ZC3H3: variants seen among roughly 807,000 people sequenced by gnomAD.
ZC3H3 encodes the protein zinc finger CCCH domain-containing protein 3.
Under a neutral mutation model 77.3 loss-of-function variants are expected in ZC3H3, and 36 were observed. The ratio of observed to expected loss-of-function variants is 0.47; its 90% CI spans 0.36 to 0.61. The LOEUF is 0.61. Among genes scored for constraint, ZC3H3 ranks in the 20% least tolerant of loss-of-function variants. The pLI, the probability that ZC3H3 is intolerant of heterozygous loss-of-function variation, is 0.00. For synonymous variants in ZC3H3, 626 were observed against 555.2 expected (o/e 1.13, Z -1.79); for missense variants, 1,331 against 1,312.2 (o/e 1.01, Z -0.22).
In ZC3H3 at chr8:143,449,484, G is replaced by A. The variant is rs529759718; in HGVS notation, c.2308-8364C>T. Among the ~76,000 whole-genome samples, 4 of 152,332 alleles carry A rather than the reference G, an allele frequency of 2.6e-5. No individual in the cohort carries two copies. The East Asian group carries it at 7.7e-4, about 29-fold the overall frequency. On this transcript the variant is annotated intron_variant, in intron 9 of 11. Transcript: ENST00000262577. ...TGCCTGTAATCCCAGCACTTTGGGAGGCCAAAACGGGTGGCTCACCTGAGG... is the reference window on the plus strand; with the variant it reads ...TGCCTGTAATCCCAGCACTTTGGGAAGCCAAAACGGGTGGCTCACCTGAGG...
intron 9 of ZC3H3, among the ~76,000 whole-genome samples, 155 bp from the exon 10 acceptor site, chr8:143,441,275 G>T (rs926834305): frequency 2.8e-4 from 42 of 152,150 alleles, no homozygotes; most frequent in Non-Finnish European, 5.6e-4. Flanking sequence ...TTGGAAGGCT[G>T]AGGCCACCAG....
intron 3 of ZC3H3, among the ~76,000 whole-genome samples, chr8:143,524,334 A>T (rs1223335574): frequency 1.3e-5 from 2 of 152,210 alleles, no homozygotes; most frequent in African/African-American, 4.8e-5. Flanking sequence ...GCTCCCTGGG[A>T]GTCTGGGCTA....
At chr8:143,452,001 C>T (rs1158482884) in intron 9 of ZC3H3, among the ~76,000 whole-genome samples, 1 of 152,194 alleles carries the variant, frequency 6.6e-6, no homozygotes, top group Admixed American at 6.5e-5. Flanking sequence ...CCTGCCCCAT[C>T]CAAGACTTGG....
At chr8:143,470,555 C>A (rs933844300) in intron 5 of ZC3H3, among the ~76,000 whole-genome samples, 3 of 152,200 alleles carry the variant, frequency 2.0e-5, no homozygotes, top group Non-Finnish European at 4.4e-5. Flanking sequence ...CGCGGCAATG[C>A]GGCGGTCTGT....
chr8:143,528,670 G>A (rs574003960), intron 3 of ZC3H3, among the ~76,000 whole-genome samples: 185 of 152,356 alleles, frequency 1.2e-3, no homozygotes, highest in Non-Finnish European at 2.2e-3. Flanking sequence ...GTCAGGGCAG[G>A]GAGCCCTGTG....
At chr8:143,455,501 C>G (rs995161155) in intron 9 of ZC3H3, among the ~76,000 whole-genome samples, 3 of 151,756 alleles carry the variant, frequency 2.0e-5, no homozygotes, top group East Asian at 1.9e-4. Flanking sequence ...ACTCTGCCCC[C>G]CCTCCCCAAA....
chr8:143,437,721 T>C lies in ZC3H3; in HGVS notation c.*335A>G, dbSNP rs1819623670. 9.6e-6 allele frequency: 4 copies of C among 416,410 alleles called. No homozygotes were observed. Among genetic ancestry groups the C allele is most frequent in the Non-Finnish European group, 1.8e-5 (4 of 223,286 alleles). The allele number at this position is 416,410 out of a possible 1,614,324, so 25.8% of individuals were successfully genotyped here. On this transcript the variant is annotated 3_prime_UTR_variant, in exon 12 of 12. Transcript: ENST00000262577. ...TGCCTGGGAGGCCTGGCCAGTGGCC[T>C]CTTCACTGGGCCGAAAACCTGGGTG...
chr8:143,537,110 G>A (rs1822825141), intron 2 of ZC3H3, among the ~76,000 whole-genome samples: 1 of 152,310 alleles, frequency 6.6e-6, no homozygotes, highest in Admixed American at 6.5e-5. Context: ...CCTCTGCCCA[G>A]CAGGTGCAGC....
chr8:143,540,359 T>A (rs1822970776), intron 1 of ZC3H3, among the ~76,000 whole-genome samples: 1 of 152,130 alleles, frequency 6.6e-6, no homozygotes. Flanking sequence ...TCTGAGTAGC[T>A]GGGACTACAG....
Position 143,460,468 on chromosome 8 carries a change from A to G in ZC3H3, c.2307+5249T>C, listed in dbSNP as rs1296328982. On this transcript the variant is annotated intron_variant, in intron 9 of 11. Transcript: ENST00000262577. The surrounding 1 kb of genome is among the most constrained non-coding windows in gnomAD (Gnocchi z 4.0). ...GGGAACCCGTGCGCCGTTGCTGGGA[A>G]CGTAAAGTGGTTCAGCCACAACAGA... Among the ~76,000 whole-genome samples, 1 of 152,164 alleles carries G rather than the reference A, an allele frequency of 6.6e-6. No homozygotes were observed. The highest frequency in any genetic ancestry group is 1.5e-5 in the Non-Finnish European group (1 of 68,032).
intron 4 of ZC3H3, among the ~76,000 whole-genome samples, chr8:143,506,722 C>T (rs900916663): frequency 5.3e-5 from 8 of 152,140 alleles, no homozygotes; most frequent in African/African-American, 1.7e-4. Flanking sequence ...CCTGGTGATA[C>T]GGGAGGCAGC....
chr8:143,443,423 T>A (rs1377669725), intron 9 of ZC3H3, among the ~76,000 whole-genome samples: 1 of 151,852 alleles, frequency 6.6e-6, no homozygotes, highest in Non-Finnish European at 1.5e-5. Context: ...GAGACCTTCA[T>A]CTCATGTTCA....
chr8:143,528,315 A>G (rs1353845518), intron 3 of ZC3H3, among the ~76,000 whole-genome samples: 1 of 152,226 alleles, frequency 6.6e-6, no homozygotes, highest in Non-Finnish European at 1.5e-5. Context: ...AACAGAAGCC[A>G]GGCGGCACTG....
chr8:143,481,716 GCTCCAGT>G (rs1428511271), intron 4 of ZC3H3, among the ~76,000 whole-genome samples: 1 of 152,236 alleles, frequency 6.6e-6, no homozygotes, highest in Non-Finnish European at 1.5e-5. Flanking sequence ...TGCCAATCCA[GCTCCAGT>G]CTTGTCTTTT....
intron 4 of ZC3H3, among the ~76,000 whole-genome samples, chr8:143,482,481 T>C (rs1563852837): frequency 6.7e-6 from 1 of 148,716 alleles, no homozygotes; most frequent in Non-Finnish European, 1.5e-5. Context: ...AAGGGAGGAG[T>C]GTGGGGTGGG....
At chr8:143,534,149 T>C (rs1477985163) in intron 3 of ZC3H3, among the ~76,000 whole-genome samples, 1 of 151,920 alleles carries the variant, frequency 6.6e-6, no homozygotes, top group African/African-American at 2.4e-5. Context: ...CCAGGCACAG[T>C]GACATGCACC....
At chr8:143,478,380 T>C (rs1361555741) in intron 4 of ZC3H3, among the ~76,000 whole-genome samples, 1 of 152,160 alleles carries the variant, frequency 6.6e-6, no homozygotes, top group Non-Finnish European at 1.5e-5. Context: ...GGCAGAGGCA[T>C]CAGGGCCTCT....
chr8:143,468,779 C>A, intron 5 of ZC3H3, 120 bp from the exon 6 acceptor site: 1 of 1,334,100 alleles, frequency 7.5e-7, no homozygotes, highest in African/African-American at 1.5e-5. Context: ...GCACAGCCTC[C>A]CCTCCAGGAA....
At chr8:143,499,276 G>C (rs1455932769) in intron 4 of ZC3H3, among the ~76,000 whole-genome samples, 3 of 152,116 alleles carry the variant, frequency 2.0e-5, no homozygotes, top group Non-Finnish European at 4.4e-5. Context: ...GGATGAGGGG[G>C]CCTGGAGGTT....
Sources: gnomAD v4.1 joint callset for allele counts (sites outside exome capture counted in the v4.1 genomes callset) on GRCh38, gnomAD v4.1.1 for gene constraint, Gnocchi (gnomAD v3.1) non-coding constraint, MANE v1.5 for transcripts, NCBI Gene and HGNC (gene_info 2026-07-23, HGNC 2026-07-21) for gene names.